Variants in SLC41A2 observed in about 807,000 individuals in gnomAD.
SLC41A2 encodes the protein solute carrier family 41 member 2, also known as SLC41A1-like 1.
In SLC41A2, 32 loss-of-function variants were observed where a neutral mutation model predicts 58.3. That is an observed-to-expected ratio of 0.55 (90% confidence interval 0.41 to 0.74). The LOEUF is 0.74. SLC41A2 is among the 30% of genes least tolerant of loss of function. The pLI is 0.00. For missense variants in SLC41A2, 514 were observed against 680.6 expected (o/e 0.76, Z 2.72); for synonymous variants, 190 against 235.0 (o/e 0.81, Z 1.75).
chr12:104,869,734 T>G (rs1361570858), intron 6 of SLC41A2, among the ~76,000 whole-genome samples: 2 of 152,134 alleles, frequency 1.3e-5, no homozygotes, highest in Non-Finnish European at 2.9e-5. Context: ...TTTTGATAGG[T>G]AGGGAAAATT....
chr12:104,946,742 G>A (rs964740400), intron 1 of SLC41A2, among the ~76,000 whole-genome samples: 2 of 152,260 alleles, frequency 1.3e-5, no homozygotes, highest in Middle Eastern at 3.4e-3. Context: ...TGATTTTTAC[G>A]GGGGAATTTC....
rs1398835588 is a variant in SLC41A2, at chr12:104,803,797, C to T, written c.*1355G>A. On this transcript the variant is annotated 3_prime_UTR_variant, in exon 11 of 11. Coordinates refer to ENST00000258538, the MANE Select transcript of SLC41A2 (RefSeq NM_001352171.3). ...GGTCCCACGTAGAAATAAGCCTGTA[C>T]AAATGGATATGTTTAAGCATGAACA... The T allele has an allele frequency of 2.0e-5, 3 of 151,936 alleles. No individual in the cohort carries two copies. The highest frequency in any genetic ancestry group is 2.9e-5 in the Non-Finnish European group (2 of 67,966). The allele number at this position is 151,936 out of a possible 1,614,324, so 9.4% of individuals were successfully genotyped here.
intron 7 of SLC41A2, 120 bp from the exon 8 acceptor site, chr12:104,861,490 G>A: frequency 1.8e-6 from 1 of 549,484 alleles, no homozygotes; most frequent in South Asian, 4.3e-5. Context: ...TAAAAATAGA[G>A]CAAAAATAAA....
At position 104,914,054 on chromosome 12, in the gene SLC41A2, T is replaced by C. The variant is rs540673402; in HGVS notation, c.556-4292A>G. Among the ~76,000 whole-genome samples, 167 of 151,992 alleles carry C rather than the reference T, an allele frequency of 1.1e-3. 1 individual carries two copies. Among genetic ancestry groups the C allele is most frequent in the Non-Finnish European group, 2.1e-3 (145 of 67,980 alleles). On this transcript the variant is annotated intron_variant, in intron 2 of 10. Transcript: ENST00000258538. ...TCCAGCCTGGGTGACAGGGCGAGAC[T>C]CTATCTCAAAAAAAAGAAAAAAAAA...
At chr12:104,956,705 A>C (rs761485345) in intron 1 of SLC41A2, among the ~76,000 whole-genome samples, 25 of 151,936 alleles carry the variant, frequency 1.6e-4, no homozygotes, top group Non-Finnish European at 2.9e-4. Context: ...TAAATAAATA[A>C]AAATAAAAAG....
At chr12:104,920,626 T>A (rs1165542477) in intron 2 of SLC41A2, among the ~76,000 whole-genome samples, 2 of 151,920 alleles carry the variant, frequency 1.3e-5, no homozygotes, top group South Asian at 2.1e-4. Flanking sequence ...AAATTTTTTT[T>A]AAATTAGCTG....
intron 2 of SLC41A2, among the ~76,000 whole-genome samples, chr12:104,923,522 G>A (rs562429652): frequency 4.0e-5 from 6 of 151,594 alleles, no homozygotes; most frequent in African/African-American, 1.5e-4. Flanking sequence ...AAAAAATACA[G>A]ATCAATGAAA....
At chr12:104,926,126 G>T (rs1273964010) in intron 2 of SLC41A2, among the ~76,000 whole-genome samples, 2 of 152,090 alleles carry the variant, frequency 1.3e-5, no homozygotes. Flanking sequence ...GGTTCCTTTA[G>T]GGAACAAACA....
chr12:104,941,550 T>C (rs907884019), intron 1 of SLC41A2, among the ~76,000 whole-genome samples: 1 of 152,232 alleles, frequency 6.6e-6, no homozygotes, highest in Non-Finnish European at 1.5e-5. Flanking sequence ...GGAAGAAGGA[T>C]ATATCAAAAG....
chr12:104,922,682 A>G (rs2046653395), intron 2 of SLC41A2, among the ~76,000 whole-genome samples: 1 of 152,166 alleles, frequency 6.6e-6, no homozygotes, highest in South Asian at 2.1e-4. Context: ...AACAGACCTA[A>G]CTGATAATTA....
intron 10 of SLC41A2, among the ~76,000 whole-genome samples, chr12:104,811,805 A>T (rs12296494): frequency 0.02 from 3,071 of 152,354 alleles, 95 homozygotes; most frequent in African/African-American, 0.07. Flanking sequence ...AGAAGTCAGT[A>T]TGTCCTGTAG....
At chr12:104,851,431 T>C (rs994737664) in intron 8 of SLC41A2, among the ~76,000 whole-genome samples, 23 of 152,126 alleles carry the variant, frequency 1.5e-4, no homozygotes, top group African/African-American at 4.8e-4. Flanking sequence ...TCTCACAGGC[T>C]GGAGTGCAGT....
At chr12:104,839,742 A>G (rs1164877094) in intron 10 of SLC41A2, among the ~76,000 whole-genome samples, 2 of 152,030 alleles carry the variant, frequency 1.3e-5, no homozygotes, top group East Asian at 1.9e-4. Flanking sequence ...TGACCTCGTG[A>G]TCCACCCGCC....
chr12:104,908,123 G>A (rs2045931846), intron 3 of SLC41A2, among the ~76,000 whole-genome samples: 1 of 152,034 alleles, frequency 6.6e-6, no homozygotes, highest in Non-Finnish European at 1.5e-5. Context: ...AAATTAACTG[G>A]GCATGGTGGT....
At chr12:104,835,926 C>T (rs1279743732) in intron 10 of SLC41A2, among the ~76,000 whole-genome samples, 1 of 152,142 alleles carries the variant, frequency 6.6e-6, no homozygotes, top group Admixed American at 6.5e-5. Flanking sequence ...TCACTGCAAC[C>T]TCCGCCTCCT....
At chr12:104,877,272 CATCCAACTGCTG>C (rs1459344009) in intron 6 of SLC41A2, among the ~76,000 whole-genome samples, 1 of 152,166 alleles carries the variant, frequency 6.6e-6, no homozygotes, top group Non-Finnish European at 1.5e-5. Context: ...AAATATTAGG[CATCCAACTGCTG>C]ATCTTAGGAG....
intron 6 of SLC41A2, among the ~76,000 whole-genome samples, chr12:104,868,195 T>C (rs2043569882): frequency 6.6e-6 from 1 of 152,178 alleles, no homozygotes; most frequent in South Asian, 2.1e-4. Context: ...CAGATAAGGA[T>C]AAATAACATC....
intron 1 of SLC41A2, among the ~76,000 whole-genome samples, chr12:104,939,719 T>A (rs2135938293): frequency 6.6e-6 from 1 of 152,234 alleles, no homozygotes; most frequent in East Asian, 1.9e-4. Context: ...TAAATCAGAG[T>A]TTAACATTTT....
rs1307010316 is a variant in SLC41A2, at chr12:104,803,618, A to ATATC, written c.*1530_*1533dup. On this transcript the variant is annotated 3_prime_UTR_variant, in exon 11 of 11. Coordinates refer to ENST00000258538, the MANE Select transcript of SLC41A2 (RefSeq NM_001352171.3). Reference sequence around the variant, plus strand: ...TACCCTTATCAGCTTAAATTATTAAATATCTAACGGTCTTGAGAGATTGAA... The same window carrying ATATC: ...TACCCTTATCAGCTTAAATTATTAAATATCTATCTAACGGTCTTGAGAGATTGAA... 7.2e-5 allele frequency: 11 copies of ATATC among 152,200 alleles called. No homozygotes were observed. Among genetic ancestry groups the ATATC allele is most frequent in the African/African-American group, 2.7e-4 (11 of 41,464 alleles). The allele number at this position is 152,200 out of a possible 1,614,324, so 9.4% of individuals were successfully genotyped here.
Sources: gnomAD v4.1 joint callset for allele counts (sites outside exome capture counted in the v4.1 genomes callset) on GRCh38, gnomAD v4.1.1 for gene constraint, MANE v1.5 for transcripts, NCBI Gene and HGNC (gene_info 2026-07-23, HGNC 2026-07-21) for gene names.